The following ARID1B variants were observed in gnomAD, a reference collection of about 807,000 sequenced individuals.
The protein encoded by ARID1B is AT-rich interaction domain 1B.
ARID1B carries 30 observed loss-of-function variants against 212.3 expected under a neutral mutation model. The observed-to-expected ratio is 0.14, with a 90% CI of 0.11 to 0.19. The LOEUF is 0.19. Among genes scored for constraint, ARID1B ranks in the 10% least tolerant of loss-of-function variants. The pLI, the probability that ARID1B is intolerant of heterozygous loss-of-function variation, is 1.00. For missense variants in ARID1B, 2,891 were observed against 3,204.0 expected, an observed-to-expected ratio of 0.90 and a Z score of 2.36; for synonymous variants, 1,402 against 1,301.7, an observed-to-expected ratio of 1.08 and a Z score of -1.66.
intron 4 of ARID1B, among the ~76,000 whole-genome samples, chr6:157,058,516 C>T (rs1399744619): frequency 3.9e-5 from 6 of 152,194 alleles, no homozygotes; most frequent in African/African-American, 1.4e-4. Context: ...CCACACGCCT[C>T]GGCATCCCAA....
chr6:157,026,547 A>G (rs1240946554), intron 4 of ARID1B, among the ~76,000 whole-genome samples: 1 of 152,212 alleles, frequency 6.6e-6, no homozygotes, highest in Non-Finnish European at 1.5e-5. Flanking sequence ...TCTTCATCTC[A>G]GAGCTGTCTA....
At chr6:156,896,069 T>C (rs1788360128) in intron 2 of ARID1B, among the ~76,000 whole-genome samples, 1 of 152,256 alleles carries the variant, frequency 6.6e-6, no homozygotes, top group African/African-American at 2.4e-5. Flanking sequence ...TTTACTACTG[T>C]GTAGATTTAA....
Position 157,206,857 on chromosome 6 carries a change from G to C in ARID1B, c.6085G>C (p.Gly2029Arg), listed in dbSNP as rs1480065562. ...PQTESSKFPF[G>R]IQQAKSHRNI... The stretch of plus-strand genomic sequence containing the variant: ...GACCGAAAGCAGTAAGTTTCCCTTT[G>C]GTATCCAGCAAGCCAAAAGTCACCG... Residue 2029 changes from glycine to arginine, a missense_variant, in exon 20 of 20, where the codon GGT (glycine) becomes CGT (arginine). Gly to Arg is a moderately radical substitution (Grantham distance 125, BLOSUM62 -2). Transcript: ENST00000636930. The surrounding 1 kb of genome is among the most constrained non-coding windows in gnomAD (Gnocchi z 6.8). The C allele has an allele frequency of 2.5e-6, 4 of 1,614,148 alleles. No homozygotes were observed. The East Asian group carries it at 8.9e-5, about 36-fold the overall frequency.
chr6:156,908,731 T>G (rs1244555024), intron 3 of ARID1B, among the ~76,000 whole-genome samples: 1 of 152,240 alleles, frequency 6.6e-6, no homozygotes, highest in Non-Finnish European at 1.5e-5. Flanking sequence ...AAGAAATTTC[T>G]TGTTTTTCTA....
At chr6:157,034,844 C>T (rs1212210112) in intron 4 of ARID1B, among the ~76,000 whole-genome samples, 1 of 152,176 alleles carries the variant, frequency 6.6e-6, no homozygotes, top group South Asian at 2.1e-4. Flanking sequence ...AACTAGGGTA[C>T]ATATATATGT....
At position 156,926,592 on chromosome 6, in the gene ARID1B, G is replaced by A. The variant is rs79394516; in HGVS notation, c.2137-8874G>A. Among the ~76,000 whole-genome samples, 668 of 152,156 alleles carry A rather than the reference G, an allele frequency of 4.4e-3. 6 individuals are homozygous for A. Among genetic ancestry groups the A allele is most frequent in the African/African-American group, 0.015 (624 of 41,512 alleles). ...AGTAGATAATGGTGTAATTAATCTG[G>A]CACACGTCACTCCACCTTCATCTTG... On this transcript the variant is annotated intron_variant, in intron 3 of 19. Transcript: ENST00000636930.
chr6:156,841,653 T>G (rs1398588180), intron 2 of ARID1B, among the ~76,000 whole-genome samples: 1 of 152,200 alleles, frequency 6.6e-6, no homozygotes, highest in Admixed American at 6.5e-5. Flanking sequence ...CTCCATTTTA[T>G]GAATAGTAAT....
At chr6:156,990,202 C>A (rs1025269350) in intron 4 of ARID1B, among the ~76,000 whole-genome samples, 2 of 142,908 alleles carry the variant, frequency 1.4e-5, no homozygotes, top group African/African-American at 2.6e-5. Flanking sequence ...TAAAGAGAGT[C>A]TCATTCTGTG....
intron 3 of ARID1B, among the ~76,000 whole-genome samples, chr6:156,932,971 A>G (rs770559869): frequency 1.6e-4 from 24 of 152,240 alleles, no homozygotes; most frequent in Non-Finnish European, 3.5e-4. Flanking sequence ...GGTGGCATCT[A>G]ATTATTTTGA....
At chr6:156,932,494 T>G (rs1791830673) in intron 3 of ARID1B, among the ~76,000 whole-genome samples, 1 of 152,220 alleles carries the variant, frequency 6.6e-6, no homozygotes, top group African/African-American at 2.4e-5. Flanking sequence ...TGCTTAAACT[T>G]ACAAATAACC....
chr6:156,823,362 C>G (rs1030971237), intron 1 of ARID1B, among the ~76,000 whole-genome samples: 1 of 152,078 alleles, frequency 6.6e-6, no homozygotes, highest in African/African-American at 2.4e-5. Flanking sequence ...AATGAGAAAA[C>G]TAAGAAATAA....
At chr6:156,873,366 A>C (rs770450149) in intron 2 of ARID1B, among the ~76,000 whole-genome samples, 1 of 152,238 alleles carries the variant, frequency 6.6e-6, no homozygotes, top group African/African-American at 2.4e-5. Context: ...TCATAAGTTC[A>C]AAGTGAATAA....
At chr6:156,846,401 G>A (rs779746409) in intron 2 of ARID1B, among the ~76,000 whole-genome samples, 1 of 150,782 alleles carries the variant, frequency 6.6e-6, no homozygotes, top group African/African-American at 2.4e-5. Context: ...TCCTGACCTC[G>A]TGAACCACCC....
At chr6:157,118,848 A>G (rs1431028087) in intron 6 of ARID1B, among the ~76,000 whole-genome samples, 1 of 152,252 alleles carries the variant, frequency 6.6e-6, no homozygotes, top group Non-Finnish European at 1.5e-5. Context: ...AGAACATTTT[A>G]AAAGAAGCAT....
At position 157,004,897 on chromosome 6, in the gene ARID1B, C is replaced by CTTTTTTTTTTTTTTTT. The variant is rs1177807875; in HGVS notation, c.2247+69340_2247+69355dup. Among the ~76,000 whole-genome samples, 6 of 54,736 alleles carry CTTTTTTTTTTTTTTTT rather than the reference C, an allele frequency of 1.1e-4. 1 individual carries two copies. The highest frequency in any genetic ancestry group is 2.9e-4 in the African/African-American group (4 of 13,816). The allele number at this position is 54,736 out of a possible 152,430, so 35.9% of individuals were successfully genotyped here. Reference sequence around the variant, plus strand: ...TTTTTTCTTTTTCTTCTTCTTTTTTCTTTTTTTTTTTTTTTTTTTTTTTTT... The same window carrying CTTTTTTTTTTTTTTTT: ...TTTTTTCTTTTTCTTCTTCTTTTTTCTTTTTTTTTTTTTTTTTTTTTTTTTTTTTTTTTTTTTTTTT... On this transcript the variant is annotated intron_variant, in intron 4 of 19. Coordinates refer to ENST00000636930, the MANE Select transcript of ARID1B (RefSeq NM_001374828.1).
intron 3 of ARID1B, among the ~76,000 whole-genome samples, chr6:156,928,461 A>G (rs1465269682): frequency 1.3e-5 from 2 of 152,142 alleles, no homozygotes; most frequent in African/African-American, 4.8e-5. Flanking sequence ...GGGAGAAGGA[A>G]CAGGTCTGTG....
intron 6 of ARID1B, among the ~76,000 whole-genome samples, chr6:157,127,008 A>G (rs1788179563): frequency 6.6e-6 from 1 of 152,260 alleles, no homozygotes; most frequent in Admixed American, 6.5e-5. Flanking sequence ...AAATAGGAAG[A>G]AAAGTCTTAG....
chr6:156,917,086 T>A (rs1009977685), intron 3 of ARID1B, among the ~76,000 whole-genome samples: 4 of 152,216 alleles, frequency 2.6e-5, no homozygotes, highest in Non-Finnish European at 5.9e-5. Flanking sequence ...AACCTTTTTC[T>A]TTTCTTAGAG....
chr6:156,941,734 AT>A (rs1792688760), intron 4 of ARID1B: 1 of 152,252 alleles, frequency 6.6e-6, no homozygotes, highest in Non-Finnish European at 1.5e-5. Context: ...ACAATCTTCC[AT>A]TTAAATATTT....
Sources: gnomAD v4.1 joint callset for allele counts (sites outside exome capture counted in the v4.1 genomes callset) on GRCh38, gnomAD v4.1.1 for gene constraint, Gnocchi (gnomAD v3.1) non-coding constraint, MANE v1.5 for transcripts, NCBI Gene and HGNC (gene_info 2026-07-23, HGNC 2026-07-21) for gene names.